Variants in PDE1C observed in about 807,000 individuals in gnomAD.
PDE1C encodes the protein phosphodiesterase 1C.
PDE1C carries 62 observed loss-of-function variants against 93.1 expected under a neutral mutation model. That is an observed-to-expected ratio of 0.67 (90% CI 0.54 to 0.82). The LOEUF is 0.82. PDE1C is among the 40% of genes least tolerant of loss of function. PDE1C has a pLI of 0.00. For synonymous variants in PDE1C, 325 were observed against 310.1 expected (o/e 1.05, Z -0.50); for missense variants, 742 against 884.6 (o/e 0.84, Z 2.04).
intron 2 of PDE1C, among the ~76,000 whole-genome samples, chr7:32,185,114 C>A (rs1341162699): frequency 2.2e-5 from 3 of 135,090 alleles, no homozygotes; most frequent in Non-Finnish European, 3.1e-5. Context: ...TCTGTCCCCC[C>A]ACAAAAAAAA....
intron 1 of PDE1C, among the ~76,000 whole-genome samples, chr7:32,307,280 T>G (rs1472667511): frequency 6.6e-6 from 1 of 152,150 alleles, no homozygotes; most frequent in Non-Finnish European, 1.5e-5. Context: ...GGCTCTCATC[T>G]CATAGCTTCA....
rs746668988 is a variant in PDE1C, at chr7:32,338,891, T to C, written c.310+88931A>G. Among the ~76,000 whole-genome samples, 44 of 151,988 alleles carry C rather than the reference T, an allele frequency of 2.9e-4. 1 individual carries two copies. The highest frequency in any genetic ancestry group is 5.9e-4 in the Admixed American group (9 of 15,254). On this transcript the variant is annotated intron_variant, in intron 1 of 1. Transcript: ENST00000672256. ...GGTGGCGGGCGCCTGTAGTCCCAGC[T>C]ACTCGGGAGGCTGAGGCAGGAGAAT...
chr7:31,975,145 TCTCACCC>T (rs1296878462), intron 2 of PDE1C, among the ~76,000 whole-genome samples: 1 of 152,160 alleles, frequency 6.6e-6, no homozygotes, highest in Non-Finnish European at 1.5e-5. Context: ...GTCCTATGCC[TCTCACCC>T]TGTTCTCTCT....
At chr7:31,707,310 A>G in the PDE1C span, 11 of 1,591,546 alleles carry the variant, frequency 6.9e-6, no homozygotes, top group Non-Finnish European at 7.8e-6. Flanking sequence ...ACCACTTGTA[A>G]ATAGGTTAGA....
At chr7:32,217,998 T>G (rs1386063043) in intron 1 of PDE1C, among the ~76,000 whole-genome samples, 1 of 152,194 alleles carries the variant, frequency 6.6e-6, no homozygotes, top group Non-Finnish European at 1.5e-5. Context: ...TGGGACTACC[T>G]TATTTCAGAG....
the PDE1C span, among the ~76,000 whole-genome samples, chr7:31,745,969 C>A: frequency 6.6e-6 from 1 of 152,152 alleles, no homozygotes; most frequent in South Asian, 2.1e-4. Context: ...TCAGGAGTAC[C>A]CAGATCTCTC....
At chr7:32,028,119 T>A (rs1789743306) in intron 2 of PDE1C, among the ~76,000 whole-genome samples, 1 of 152,138 alleles carries the variant, frequency 6.6e-6, no homozygotes, top group African/African-American at 2.4e-5. Flanking sequence ...TTCTAAGTAG[T>A]CATGTTTTAT....
the PDE1C span, among the ~76,000 whole-genome samples, chr7:31,745,482 G>A: frequency 2.0e-5 from 3 of 152,106 alleles, 1 homozygote; most frequent in South Asian, 6.2e-4. Flanking sequence ...TGTAATTTGT[G>A]GGAGAATGAT....
intron 9 of PDE1C, among the ~76,000 whole-genome samples, chr7:31,841,203 C>CTCTG (rs1791819104): frequency 5.2e-5 from 2 of 38,820 alleles, no homozygotes; most frequent in Non-Finnish European, 4.7e-5. Flanking sequence ...CTCTCTCCCT[C>CTCTG]TCTCTGTCTC....
chr7:32,083,162 G>A (rs967693866), intron 3 of PDE1C, among the ~76,000 whole-genome samples: 1 of 152,038 alleles, frequency 6.6e-6, no homozygotes, highest in Non-Finnish European at 1.5e-5. Context: ...GCTTAAAGGA[G>A]GATGAAGCTG....
the PDE1C span, among the ~76,000 whole-genome samples, chr7:31,684,477 T>C: frequency 6.6e-6 from 1 of 152,102 alleles, no homozygotes; most frequent in South Asian, 2.1e-4. Flanking sequence ...AGATTAAAAA[T>C]ACAAACAGCA....
intron 2 of PDE1C, among the ~76,000 whole-genome samples, chr7:31,943,604 A>G (rs150290676): frequency 0.025 from 3,847 of 152,282 alleles, 54 homozygotes; most frequent in South Asian, 0.072. Flanking sequence ...AGTCCTATAA[A>G]TATCAATGAC....
At chr7:31,643,087 G>A in the PDE1C span, 18 of 1,613,838 alleles carry the variant, frequency 1.1e-5, no homozygotes, top group East Asian at 2.2e-5. Context: ...GGTAACCCAC[G>A]TCACAGAAAT....
the PDE1C span, among the ~76,000 whole-genome samples, chr7:31,620,796 A>T: frequency 1.0e-3 from 156 of 152,342 alleles, no homozygotes; most frequent in Non-Finnish European, 1.8e-3. Context: ...AAGACATCAG[A>T]CGATCAAACT....
intron 11 of PDE1C, among the ~76,000 whole-genome samples, chr7:31,829,791 G>T (rs1790148403): frequency 6.6e-6 from 1 of 152,130 alleles, no homozygotes; most frequent in South Asian, 2.1e-4. Flanking sequence ...TGATAAAAAT[G>T]ATTTCCTCCT....
upstream of PDE1C, among the ~76,000 whole-genome samples, chr7:32,073,772 A>G (rs1796195251): frequency 6.6e-6 from 1 of 152,232 alleles, no homozygotes; most frequent in African/African-American, 2.4e-5. Flanking sequence ...TGATAGTTGC[A>G]GCAACACCAC....
chr7:32,325,167 A>G (rs140122419), intron 1 of PDE1C, among the ~76,000 whole-genome samples: 1 of 152,346 alleles, frequency 6.6e-6, no homozygotes, highest in African/African-American at 2.4e-5. Context: ...TGTGACCACC[A>G]CTACCACCTC....
intron 2 of PDE1C, among the ~76,000 whole-genome samples, chr7:31,886,004 G>T (rs1477786739): frequency 6.6e-6 from 1 of 152,104 alleles, no homozygotes; most frequent in African/African-American, 2.4e-5. Context: ...CTCTGAGGAT[G>T]GGGGGGCAGC....
chr7:31,953,922 A>T (rs1807761668), intron 2 of PDE1C, among the ~76,000 whole-genome samples: 1 of 152,242 alleles, frequency 6.6e-6, no homozygotes, highest in Non-Finnish European at 1.5e-5. Context: ...TTTGATAGGA[A>T]TAATTTAAAC....
Sources: allele counts gnomAD v4.1 joint callset (sites outside exome capture counted in the v4.1 genomes callset), GRCh38; gene constraint gnomAD v4.1.1; transcripts MANE v1.5; gene names NCBI Gene and HGNC (gene_info 2026-07-23, HGNC 2026-07-21).